The following VCL variants were observed in gnomAD, a reference collection of about 807,000 sequenced individuals.
The protein encoded by VCL is vinculin.
VCL carries 47 observed loss-of-function variants against 125.7 expected under a neutral mutation model. The observed-to-expected ratio is 0.37, with a 90% CI of 0.30 to 0.48. VCL has a LOEUF of 0.48. Among genes scored for constraint, VCL ranks in the 20% least tolerant of loss-of-function variants. The pLI, the probability that VCL is intolerant of heterozygous loss-of-function variation, is 0.99. For synonymous variants in VCL, 458 were observed against 514.6 expected (o/e 0.89, Z 1.49); for missense variants, 1,069 against 1,455.5 (o/e 0.73, Z 4.32).
At position 74,060,924 on chromosome 10, in the gene VCL, C is replaced by T. The variant is rs1445923797; in HGVS notation, c.240-9746C>T. ...TAGAGGGTCATGAGTGAGCATATTT[C>T]GAGATCCCATAAGGCTGTCATTGGT... is the stretch of plus-strand genomic sequence containing the variant. On this transcript the variant is annotated intron_variant, in intron 2 of 21. Coordinates refer to ENST00000211998, the MANE Select transcript of VCL (RefSeq NM_014000.3). Among the ~76,000 whole-genome samples, 8 of 152,026 alleles carry T rather than the reference C, an allele frequency of 5.3e-5. No individual in the cohort carries two copies. In the South Asian group the frequency reaches 8.3e-4, roughly 16 times the overall value.
intron 6 of VCL, 120 bp from the exon 7 acceptor site, chr10:74,082,334 T>G: frequency 9.7e-7 from 1 of 1,025,970 alleles, no homozygotes; most frequent in Non-Finnish European, 1.5e-6. Flanking sequence ...TTTTAAGGCC[T>G]TCGTAGGACT....
At chr10:74,093,095 G>A (rs561066752) in intron 10 of VCL, among the ~76,000 whole-genome samples, 105 of 152,264 alleles carry the variant, frequency 6.9e-4, no homozygotes, top group African/African-American at 2.4e-3. Context: ...TCAGGAGTTC[G>A]AGACCAGCCC....
chr10:74,045,613 ACTCTGT>A (rs1191005578), intron 2 of VCL, among the ~76,000 whole-genome samples: 3 of 138,186 alleles, frequency 2.2e-5, no homozygotes, highest in Admixed American at 8.0e-5. Context: ...ACAGAGTGAG[ACTCTGT>A]CTCAAAAAAA....
At chr10:74,067,769 GT>G (rs1398590750) in intron 2 of VCL, among the ~76,000 whole-genome samples, 1 of 152,194 alleles carries the variant, frequency 6.6e-6, no homozygotes, top group African/African-American at 2.4e-5. Context: ...TTTGTATGAT[GT>G]TTCCACAATA....
At chr10:74,047,570 A>G (rs1841214809) in intron 2 of VCL, among the ~76,000 whole-genome samples, 1 of 152,168 alleles carries the variant, frequency 6.6e-6, no homozygotes, top group Admixed American at 6.6e-5. Context: ...TTCTCAAGTG[A>G]CTGCTTAAGC....
chr10:74,101,191 C>T, intron 14 of VCL, 94 bp downstream of exon 14: 1 of 1,496,826 alleles, frequency 6.7e-7, no homozygotes, highest in Non-Finnish European at 9.1e-7. Flanking sequence ...CGTAAGATGG[C>T]ATAAAAAAAC....
rs150443513 is a variant in VCL at position 74,082,458 on chromosome 10, C to G, written c.788C>G (p.Thr263Ser). 11 of 1,614,122 alleles carry G rather than the reference C, an allele frequency of 6.8e-6. No homozygotes were observed. The African/African-American group carries it at 1.5e-4, about 22-fold the overall frequency. Residue 263 changes from threonine (T) to serine (S), a missense_variant, in exon 7 of 22, where the codon ACT (threonine) becomes AGT (serine). By Grantham distance (58) the Thr-to-Ser change is moderately conservative. Around this residue, in one of 6 missense-constraint regions of VCL, gnomAD observed 760 missense variants for 928.9 expected, o/e 0.82. Coordinates refer to ENST00000211998, the MANE Select transcript of VCL (RefSeq NM_014000.3). ...GGTGGGATTTCTTCCCAAAAGGACA[C>G]TGAAGCCATGAAGAGAGCATTGGCC... ...WDEDAWASKDTEAMKRALASI... is the reference protein window; with the variant it reads ...WDEDAWASKDSEAMKRALASI...
intron 19 of VCL, among the ~76,000 whole-genome samples, chr10:74,112,573 G>C (rs1840243852): frequency 6.6e-6 from 1 of 152,206 alleles, no homozygotes; most frequent in African/African-American, 2.4e-5. Context: ...AGGGTCTCTG[G>C]GGGAGGACTG....
intron 21 of VCL, among the ~76,000 whole-genome samples, chr10:74,117,015 T>C (rs753230506): frequency 2.0e-5 from 3 of 152,234 alleles, no homozygotes; most frequent in Non-Finnish European, 4.4e-5. Flanking sequence ...GCCAAGATCC[T>C]TCCTTGACTT....
At chr10:74,067,227 A>G (rs998981446) in intron 2 of VCL, among the ~76,000 whole-genome samples, 5 of 152,230 alleles carry the variant, frequency 3.3e-5, no homozygotes, top group Admixed American at 6.5e-5. Flanking sequence ...TAATTGAAAA[A>G]TGGGCCTAAT....
chr10:74,003,345 GA>G (rs1423386719), intron 1 of VCL, among the ~76,000 whole-genome samples: 1 of 152,190 alleles, frequency 6.6e-6, no homozygotes, highest in Non-Finnish European at 1.5e-5. Flanking sequence ...AAGGGCACAA[GA>G]AATTCTAAGA....
At chr10:74,061,737 G>A (rs1841482593) in intron 2 of VCL, among the ~76,000 whole-genome samples, 1 of 151,894 alleles carries the variant, frequency 6.6e-6, no homozygotes, top group Admixed American at 6.6e-5. Flanking sequence ...TTTTATTTTG[G>A]ATAGTCTTTA....
rs544189092 is a variant in VCL at position 74,017,300 on chromosome 10, G to C, written c.168+18925G>C. 3.0e-4 allele frequency among the ~76,000 whole-genome samples: 45 copies of C among 152,014 alleles called. No homozygotes were observed. The South Asian group carries it at 9.1e-3, about 31-fold the overall frequency. ...CTGACCTCGTGATCCGCCCGCCTCGGCCTCCCAAAGTGCTGGGATTACAGG... is the reference window on the plus strand; with the variant it reads ...CTGACCTCGTGATCCGCCCGCCTCGCCCTCCCAAAGTGCTGGGATTACAGG... On this transcript the variant is annotated intron_variant, in intron 1 of 21. Transcript: ENST00000211998.
intron 1 of VCL, among the ~76,000 whole-genome samples, chr10:74,007,773 G>A (rs111732131): frequency 0.031 from 4,683 of 152,260 alleles, 161 homozygotes; most frequent in Admixed American, 0.11. Flanking sequence ...TGGGATTACA[G>A]GCATGAGCCG....
At chr10:74,048,135 TA>T (rs1841224888) in intron 2 of VCL, among the ~76,000 whole-genome samples, 1 of 152,210 alleles carries the variant, frequency 6.6e-6, no homozygotes, top group Admixed American at 6.5e-5. Context: ...GCTGTATTGT[TA>T]AAATGTTGGT....
intron 21 of VCL, 116 bp from the exon 22 acceptor site, chr10:74,117,907 T>C (rs1840334603): frequency 2.8e-6 from 4 of 1,436,926 alleles, no homozygotes; most frequent in South Asian, 1.2e-5. Context: ...CAAGCAAATA[T>C]GGGGGATGCC....
At position 74,071,535 on chromosome 10, in the gene VCL, G is replaced by A. The variant is rs1344420035; in HGVS notation, c.499+452G>A. Among the ~76,000 whole-genome samples, 1 of 152,184 alleles carries A rather than the reference G, an allele frequency of 6.6e-6. No homozygotes were observed. Among genetic ancestry groups the A allele is most frequent in the African/African-American group, 2.4e-5 (1 of 41,448 alleles). On this transcript the variant is annotated intron_variant, in intron 4 of 21. Coordinates refer to ENST00000211998, the MANE Select transcript of VCL (RefSeq NM_014000.3). This position sits in a 1 kb window ranked among gnomAD's most constrained non-coding sequence, Gnocchi z 4.1. ...CTGCATAATATAATCAGACCTAGGA[G>A]AGAAGAGCTATTGTGGTTAAATCTT...
chr10:74,077,158 A>G (rs1839599641), intron 6 of VCL: 1 of 152,696 alleles, frequency 6.5e-6, no homozygotes, highest in South Asian at 2.1e-4. Flanking sequence ...AAGAAGGTAA[A>G]TTAAATTAGC....
chr10:74,059,746 C>T (rs916174911), intron 2 of VCL, among the ~76,000 whole-genome samples: 8 of 152,166 alleles, frequency 5.3e-5, no homozygotes, highest in Admixed American at 5.2e-4. Context: ...CTTGTCTCCT[C>T]CTACCAAGGT....
Sources: gnomAD v4.1 joint callset for allele counts (sites outside exome capture counted in the v4.1 genomes callset) on GRCh38, gnomAD v4.1.1 for gene constraint, gnomAD v4.1.1 regional missense constraint, Gnocchi (gnomAD v3.1) non-coding constraint, MANE v1.5 for transcripts, NCBI Gene and HGNC (gene_info 2026-07-23, HGNC 2026-07-21) for gene names.